The following USHBP1 variants were observed in gnomAD, a reference collection of about 807,000 sequenced individuals.
The protein encoded by USHBP1 is USH1 protein network component harmonin binding protein 1.
Under a neutral mutation model 76.2 loss-of-function variants are expected in USHBP1, and 67 were observed. The ratio of observed to expected loss-of-function variants is 0.88; its 90% CI spans 0.72 to 1.08. The LOEUF (loss-of-function observed/expected upper bound fraction) is 1.08. Ranked by LOEUF, USHBP1 falls within the 50% of genes least tolerant of loss-of-function variation. The pLI is 0.00. For synonymous variants in USHBP1, 322 were observed against 362.2 expected (o/e 0.89, Z 1.26); for missense variants, 931 against 915.0 (o/e 1.02, Z -0.23).
At chr19:17,255,720 G>A (rs2073611709) in intron 9 of USHBP1, 114 bp from the exon 10 acceptor site, 1 of 1,190,158 alleles carries the variant, frequency 8.4e-7, no homozygotes, top group Non-Finnish European at 1.2e-6. Flanking sequence ...GTGACTTTTG[G>A]CCAGGCGCAG....
intron 1 of USHBP1, 49 bp downstream of exon 1, chr19:17,264,622 T>C (rs995599844): frequency 4.5e-5 from 17 of 379,848 alleles, no homozygotes; most frequent in African/African-American, 1.0e-4. Context: ...ATCTCAAGAA[T>C]TCCCTCTCCT....
chr19:17,250,421 G>A lies in USHBP1; in HGVS notation c.1923-7C>T, dbSNP rs1319636273. Reference sequence around the variant, plus strand: ...GAAGGCCAGGACCAGGGCGCTGGAAGGGGTGGGTGGCTGGGTCAGGAAACA... The same window carrying A: ...GAAGGCCAGGACCAGGGCGCTGGAAAGGGTGGGTGGCTGGGTCAGGAAACA... On this transcript the variant is annotated splice_polypyrimidine_tract_variant and splice_region_variant and intron_variant, in intron 12 of 12. Transcript: ENST00000252597. The A allele has an allele frequency of 6.2e-7, 1 of 1,609,690 alleles. No individual in the cohort carries two copies. Among genetic ancestry groups the A allele is most frequent in the Non-Finnish European group, 8.5e-7 (1 of 1,179,326 alleles).
chr19:17,255,185 A>G (rs2073602222), intron 10 of USHBP1, among the ~76,000 whole-genome samples, 200 bp downstream of exon 10: 1 of 151,900 alleles, frequency 6.6e-6, no homozygotes, highest in South Asian at 2.1e-4. Flanking sequence ...CCAGCTACTC[A>G]GGAGGCTGAG....
rs2073732057 is a variant in USHBP1, at chr19:17,264,716, G to A, written c.-94C>T. ...AACTTGATCAGAGGCCTGAGTCCCGGGACACTCTGTTGGGGTCACTCTGAC... is the reference window on the plus strand; with the variant it reads ...AACTTGATCAGAGGCCTGAGTCCCGAGACACTCTGTTGGGGTCACTCTGAC... On this transcript the variant is annotated 5_prime_UTR_variant, in exon 1 of 13. Coordinates refer to ENST00000252597, the MANE Select transcript of USHBP1 (RefSeq NM_031941.4). 4.9e-6 allele frequency: 1 copy of A among 204,324 alleles called. No individual in the cohort carries two copies. The highest frequency in any genetic ancestry group is 1.0e-5 in the Non-Finnish European group (1 of 99,804). 12.7% of individuals were successfully genotyped at this position (204,324 alleles called of 1,614,324 possible).
intron 10 of USHBP1, among the ~76,000 whole-genome samples, chr19:17,254,923 G>A (rs1026189528): frequency 4.6e-5 from 7 of 152,008 alleles, no homozygotes; most frequent in East Asian, 1.9e-4. Flanking sequence ...GGAAGTGACC[G>A]GTGTTCCTGG....
chr19:17,255,360 A>G, intron 10 of USHBP1, 25 bp downstream of exon 10: 2 of 1,600,534 alleles, frequency 1.2e-6, no homozygotes, highest in Non-Finnish European at 1.7e-6. Context: ...CTACTCCCCT[A>G]CCAGGTTCAG....
At chr19:17,251,441 G>T (rs1050830639) in intron 12 of USHBP1, 141 bp downstream of exon 12, 3 of 1,197,548 alleles carry the variant, frequency 2.5e-6, no homozygotes, top group Non-Finnish European at 3.5e-6. Context: ...TGGGATTACA[G>T]GTGTGAGCCA....
chr19:17,262,749 A>G lies in USHBP1; in HGVS notation c.445T>C (p.Phe149Leu). ...QPPSHSGPME[F>L]EGTSEGGAGS... The stretch of plus-strand genomic sequence containing the variant: ...GCTCCCCCTTCGCTTGTGCCTTCGA[A>G]CTCCATCGGCCCAGAATGGCTGGGG... Residue 149 changes from phenylalanine to leucine, a missense_variant, in exon 4 of 13, where the codon TTC becomes CTC. Transcript: ENST00000252597. The G allele has an allele frequency of 6.2e-7, 1 of 1,613,498 alleles. No homozygotes were observed. Among genetic ancestry groups the G allele is most frequent in the Non-Finnish European group, 8.5e-7 (1 of 1,179,816 alleles).
rs769859762 is a variant in USHBP1, at chr19:17,255,508, A to C, written c.1569T>G (p.Ala523=). 2 of 1,613,858 alleles carry C rather than the reference A, an allele frequency of 1.2e-6. No homozygotes were observed. Among genetic ancestry groups the C allele is most frequent in the Non-Finnish European group, 1.7e-6 (2 of 1,179,886 alleles). ...GCAGCTGCTCCAGCAGGAGCACGTG[A>C]GCTGGACCCAGGGCTCGGAGGGCAG... The part of the protein sequence containing the change: ...REAALRALGP[A]HVLLLEQLRW... Residue 523 remains alanine, a synonymous_variant, in exon 10 of 13, where the codon GCT becomes GCG. Transcript: ENST00000252597.
Position 17,250,249 on chromosome 19 carries a change from G to A in USHBP1, c.2088C>T (p.Pro696=). The A allele has an allele frequency of 6.2e-7, 1 of 1,612,344 alleles. No individual in the cohort carries two copies. The highest frequency in any genetic ancestry group is 2.2e-5 in the East Asian group (1 of 44,770). The change falls in exon 13 of 13, where the codon CCC becomes CCT. Residue 696 remains proline, a synonymous_variant. Transcript: ENST00000252597. ...CCTACAGAAAGGTGTCCCCAAGCTG[G>A]GGAGGCGGGAGGGGAGGCCTGGGCT... ...LGKPRPPLPP[P]QLGDTFL
At position 17,255,688 on chromosome 19, in the gene USHBP1, G is replaced by A. The variant is rs2073611318; in HGVS notation, c.1471-82C>T. On this transcript the variant is annotated intron_variant, in intron 9 of 12. Transcript: ENST00000252597. The stretch of plus-strand genomic sequence containing the variant: ...ACTGAGGCCCCAAGAGGCACCCACT[G>A]AGGACTATTCAGACAAAAACTGTGA... 3.5e-6 allele frequency: 5 copies of A among 1,416,426 alleles called. No homozygotes were observed. In the South Asian group the frequency reaches 6.9e-5, roughly 20 times the overall value. 87.7% of individuals were successfully genotyped at this position (1,416,426 alleles called of 1,614,324 possible).
At position 17,259,733 on chromosome 19, in the gene USHBP1, C is replaced by T; in HGVS notation, c.769-1G>A. On this transcript the variant is annotated splice_acceptor_variant, in intron 5 of 12. Coordinates refer to ENST00000252597, the MANE Select transcript of USHBP1 (RefSeq NM_031941.4). LOFTEE classifies it high-confidence loss of function. ...GGGGGTGAGCCAGGGAGAAGGAGTCCTGCCAAGAAGAAGTGATATAACTGA... is the reference window on the plus strand; with the variant it reads ...GGGGGTGAGCCAGGGAGAAGGAGTCTTGCCAAGAAGAAGTGATATAACTGA... 6.2e-7 allele frequency: 1 copy of T among 1,607,800 alleles called. No homozygotes were observed. Among genetic ancestry groups the T allele is most frequent in the Non-Finnish European group, 8.5e-7 (1 of 1,177,478 alleles).
At chr19:17,256,133 C>G (rs538459935) in intron 9 of USHBP1, among the ~76,000 whole-genome samples, 87 of 152,276 alleles carry the variant, frequency 5.7e-4, no homozygotes, top group African/African-American at 2.0e-3. Context: ...AAGTAGCTTA[C>G]ATAGGTCAAG....
rs764545397 is a variant in USHBP1, at chr19:17,256,700, T to A, written c.1241A>T (p.Asp414Val). The A allele has an allele frequency of 6.2e-7, 1 of 1,614,068 alleles. No homozygotes were observed. The highest frequency in any genetic ancestry group is 1.3e-5 in the African/African-American group (1 of 74,920). ...AGCCACTTCCTGTGGGGTGGGCTTA[T>A]CCACACTGCTGCCTTCAGGGCTATA... ...PQPSPEGSSV[D>V]KPTPQEVAFQ... The change falls in exon 9 of 13, where the codon GAT (aspartate) becomes GTT (valine). Residue 414 changes from aspartate to valine, a missense_variant. Transcript: ENST00000252597.
Position 17,264,072 on chromosome 19 carries a change from G to T in USHBP1, c.133C>A (p.Pro45Thr), listed in dbSNP as rs760789479. 1 of 1,613,874 alleles carries T rather than the reference G, an allele frequency of 6.2e-7. No homozygotes were observed. The highest frequency in any genetic ancestry group is 1.3e-5 in the African/African-American group (1 of 75,058). ...TGCTCCAGCCCGGAGCTCACCGGAG[G>T]TGGGGCAAAGCTGGGCTTGGAGCTC... is the stretch of plus-strand genomic sequence containing the variant. Reference protein sequence around the residue: ...SGSSKPSFAPPPVSSGLEQLG... With the variant: ...SGSSKPSFAPTPVSSGLEQLG... The change falls in exon 3 of 13, where the codon CCT becomes ACT. Residue 45 changes from proline to threonine, a missense_variant. By Grantham distance (38) the Pro-to-Thr change is conservative (BLOSUM62 -1). Coordinates refer to ENST00000252597, the MANE Select transcript of USHBP1 (RefSeq NM_031941.4).
chr19:17,262,743 C>G lies in USHBP1; in HGVS notation c.451G>C (p.Gly151Arg). ...PSHSGPMEFE[G>R]TSEGGAGSLG... ...GAACCTGCTCCCCCTTCGCTTGTGC[C>G]TTCGAACTCCATCGGCCCAGAATGG... Residue 151 changes from glycine (G) to arginine (R), a missense_variant, in exon 4 of 13, where the codon GGC (glycine) becomes CGC (arginine). Physicochemically the swap from Gly to Arg is moderately radical, Grantham distance 125. Transcript: ENST00000252597. The G allele has an allele frequency of 6.2e-7, 1 of 1,614,234 alleles. No individual in the cohort carries two copies.
intron 7 of USHBP1, among the ~76,000 whole-genome samples, chr19:17,258,960 GT>G (rs1398899617): frequency 6.6e-6 from 1 of 152,024 alleles, no homozygotes; most frequent in African/African-American, 2.4e-5. Flanking sequence ...GAGGTCAGGA[GT>G]TCGAGACTAG....
Position 17,264,058 on chromosome 19 carries a change from G to A in USHBP1, c.147C>T (p.Ser49=), listed in dbSNP as rs774766717. The A allele has an allele frequency of 1.3e-5, 21 of 1,613,026 alleles. No homozygotes were observed. The highest frequency in any genetic ancestry group is 2.7e-5 in the African/African-American group (2 of 74,914). The change falls in exon 3 of 13, where the codon TCC becomes TCT. Residue 49 remains serine (S), a synonymous_variant. Transcript: ENST00000252597. ...CCATGGGGCCCAGCTGCTCCAGCCC[G>A]GAGCTCACCGGAGGTGGGGCAAAGC... ...KPSFAPPPVS[S]GLEQLGPMEE...
chr19:17,262,845 C>T lies in USHBP1; in HGVS notation c.349G>A (p.Asp117Asn), dbSNP rs1480214112. 7 of 1,613,432 alleles carry T rather than the reference C, an allele frequency of 4.3e-6. No homozygotes were observed. The highest frequency in any genetic ancestry group is 4.5e-5 in the East Asian group (2 of 44,858). The change falls in exon 4 of 13, where the codon GAT (aspartate) becomes AAT (asparagine). Residue 117 changes from aspartate to asparagine, a missense_variant. Asp to Asn is a conservative substitution (Grantham distance 23). Coordinates refer to ENST00000252597, the MANE Select transcript of USHBP1 (RefSeq NM_031941.4). ...ETVPPGNGAP[D>N]VFQTLQHTLS... ...GTGTGCTGGAGGGTCTGAAACACAT[C>T]GGGGGCCCCATTCCCAGGGGGCACA...
Sources: allele counts gnomAD v4.1 joint callset (sites outside exome capture counted in the v4.1 genomes callset), GRCh38; gene constraint gnomAD v4.1.1; transcripts MANE v1.5; gene names NCBI Gene and HGNC (gene_info 2026-07-23, HGNC 2026-07-21).